Variants in ABCB7 observed in about 807,000 individuals in gnomAD.
ABCB7 encodes the protein iron-sulfur clusters transporter ABCB7, mitochondrial.
A neutral mutation model predicts 54.4 loss-of-function variants in ABCB7; 7 were observed. That is an observed-to-expected ratio of 0.13 (90% confidence interval 0.07 to 0.24). The LOEUF (loss-of-function observed/expected upper bound fraction) is 0.24, where lower values mean the gene tolerates loss of function less well. ABCB7 is among the 10% of genes least tolerant of loss of function. The pLI is 1.00. For synonymous variants in ABCB7, 218 were observed against 207.1 expected (o/e 1.05, Z -0.45); for missense variants, 356 against 570.4 (o/e 0.62, Z 3.83).
chrX:75,144,362 T>C (rs1238641086), intron 1 of ABCB7, among the ~76,000 whole-genome samples: 1 of 111,975 alleles, frequency 8.9e-6, no homozygotes, highest in African/African-American at 3.2e-5. Context: ...ATGTCTAGTA[T>C]GACTAAGTTA....
intron 3 of ABCB7, among the ~76,000 whole-genome samples, chrX:75,110,215 C>T (rs1443493895): frequency 8.9e-6 from 1 of 111,739 alleles, no homozygotes; most frequent in African/African-American, 3.3e-5. Context: ...AAGAACTACC[C>T]GCCAGACTGA....
At chrX:75,152,846 G>C (rs1334940955) in intron 1 of ABCB7, among the ~76,000 whole-genome samples, 2 of 109,406 alleles carry the variant, frequency 1.8e-5, no homozygotes, top group Non-Finnish European at 3.8e-5. Context: ...TTTTAGTATG[G>C]ACGGGGTTTC....
At chrX:75,154,989 C>T (rs1569253727) in intron 1 of ABCB7, among the ~76,000 whole-genome samples, 1 of 112,655 alleles carries the variant, frequency 8.9e-6, no homozygotes, top group East Asian at 2.8e-4. Flanking sequence ...CCAGTTCTAT[C>T]ACCAGCATGA....
intron 4 of ABCB7, among the ~76,000 whole-genome samples, chrX:75,090,148 T>G (rs2081532854): frequency 9.1e-6 from 1 of 110,395 alleles, no homozygotes; most frequent in African/African-American, 3.3e-5. Context: ...ATGCATCCTC[T>G]ATTATATCTA....
chrX:75,063,886 A>C (rs749132814), intron 13 of ABCB7, among the ~76,000 whole-genome samples: 48 of 111,965 alleles, frequency 4.3e-4, no homozygotes, highest in Non-Finnish European at 8.3e-4. Flanking sequence ...GCAGAAAGGA[A>C]AAATAAGATT....
chrX:75,057,384 A>C (rs905872937), intron 15 of ABCB7, among the ~76,000 whole-genome samples: 1 of 99,753 alleles, frequency 1.0e-5, no homozygotes, highest in Non-Finnish European at 2.1e-5. Flanking sequence ...AGTTTCCTTT[A>C]CTTTTTTTTT....
At chrX:75,086,882 T>C (rs1214333700) in intron 4 of ABCB7, among the ~76,000 whole-genome samples, 1 of 111,631 alleles carries the variant, frequency 9.0e-6, no homozygotes, top group African/African-American at 3.3e-5. Context: ...CTAGTTGCCC[T>C]CATTGCTCAT....
chrX:75,114,190 GAA>G (rs1438182898), intron 2 of ABCB7, among the ~76,000 whole-genome samples: 3 of 111,797 alleles, frequency 2.7e-5, no homozygotes, highest in Non-Finnish European at 5.7e-5. Flanking sequence ...TAATAAGAAA[GAA>G]AAAATAAACA....
intron 1 of ABCB7, among the ~76,000 whole-genome samples, chrX:75,148,280 T>C (rs1009892140): frequency 9.0e-6 from 1 of 111,299 alleles, no homozygotes; most frequent in African/African-American, 3.3e-5. Flanking sequence ...CATGAAATAT[T>C]TTTCTCATTG....
chrX:75,055,058 G>A (rs183790374), intron 15 of ABCB7, among the ~76,000 whole-genome samples: 2 of 110,734 alleles, frequency 1.8e-5, no homozygotes, highest in East Asian at 5.7e-4. Context: ...TCTTTCTTTT[G>A]GAGATTTCCT....
chrX:75,055,959 T>C lies in ABCB7; in HGVS notation c.2044-2374A>G, dbSNP rs147607863. ...ACCTCTGCCTCCCAAAGTGCTGTTA[T>C]TACCAGCATGAGCCACCATGCCCAG... On this transcript the variant is annotated intron_variant, in intron 15 of 15. Coordinates refer to ENST00000373394, the MANE Select transcript of ABCB7 (RefSeq NM_001271696.3). 1.2e-3 allele frequency among the ~76,000 whole-genome samples: 138 copies of C among 110,853 alleles called. 1 individual carries two copies. The East Asian group carries it at 0.032, about 26-fold the overall frequency.
chrX:75,059,917 A>G (rs935113335), intron 15 of ABCB7, among the ~76,000 whole-genome samples: 1 of 112,306 alleles, frequency 8.9e-6, no homozygotes, highest in Admixed American at 9.5e-5. Context: ...GAGTCTATTC[A>G]GAGCAAAACT....
At chrX:75,086,938 C>T (rs1048669890) in intron 4 of ABCB7, among the ~76,000 whole-genome samples, 1 of 111,822 alleles carries the variant, frequency 8.9e-6, no homozygotes, top group Admixed American at 9.5e-5. Context: ...CAACTCCCAC[C>T]AGAACCATTT....
intron 1 of ABCB7, among the ~76,000 whole-genome samples, chrX:75,123,634 T>A (rs991920685): frequency 8.9e-6 from 1 of 112,084 alleles, no homozygotes. Flanking sequence ...TTTCCATAAA[T>A]CCAAAGATAT....
At chrX:75,113,048 C>G in intron 2 of ABCB7, 76 bp from the exon 3 acceptor site, 1 of 887,372 alleles carries the variant, frequency 1.1e-6, no homozygotes, top group East Asian at 3.1e-5. Flanking sequence ...CTTGAACAGT[C>G]TAATCTAATG....
intron 1 of ABCB7, among the ~76,000 whole-genome samples, chrX:75,123,546 T>C (rs977574233): frequency 8.9e-6 from 1 of 112,082 alleles, no homozygotes; most frequent in Non-Finnish European, 1.9e-5. Flanking sequence ...CTTTTTTCTA[T>C]TGCTGTGAAA....
intron 1 of ABCB7, among the ~76,000 whole-genome samples, chrX:75,116,618 T>C (rs1034293191): frequency 1.8e-5 from 2 of 110,869 alleles, no homozygotes; most frequent in African/African-American, 3.3e-5. Context: ...CTACCAACAA[T>C]TTAGTGAGGA....
At chrX:75,121,905 AC>A (rs2081882198) in intron 1 of ABCB7, among the ~76,000 whole-genome samples, 1 of 111,618 alleles carries the variant, frequency 9.0e-6, no homozygotes, top group East Asian at 2.8e-4. Flanking sequence ...TACCCTGAAT[AC>A]AAGAGACCCT....
At chrX:75,115,803 G>A (rs2081812745) in intron 1 of ABCB7, among the ~76,000 whole-genome samples, 2 of 107,355 alleles carry the variant, frequency 1.9e-5, no homozygotes, top group African/African-American at 6.8e-5. Context: ...GGGGGCACGG[G>A]GCAGAATTAG....
Sources: allele counts gnomAD v4.1 joint callset (sites outside exome capture counted in the v4.1 genomes callset), GRCh38; gene constraint gnomAD v4.1.1; transcripts MANE v1.5; gene names NCBI Gene and HGNC (gene_info 2026-07-23, HGNC 2026-07-21).